CTNNA3: variants seen among roughly 807,000 people sequenced by gnomAD.
The protein encoded by CTNNA3 is catenin alpha 3.
In CTNNA3, 76 loss-of-function variants were observed where a neutral mutation model predicts 95.7. The observed-to-expected ratio is 0.79, with a 90% confidence interval of 0.66 to 0.96. The LOEUF is 0.96. Ranked by LOEUF, CTNNA3 falls within the 40% of genes least tolerant of loss-of-function variation. The probability of loss-of-function intolerance (pLI) is 0.00; values close to 1 mark genes in which losing one functional copy is unlikely to be tolerated. For synonymous variants in CTNNA3, 431 were observed against 374.4 expected, an observed-to-expected ratio of 1.15 and a Z score of -1.74; for missense variants, 1,191 against 1,089.8, an observed-to-expected ratio of 1.09 and a Z score of -1.31.
At chr10:67,548,027 T>G (rs561408818) in intron 3 of CTNNA3, among the ~76,000 whole-genome samples, 1 of 152,294 alleles carries the variant, frequency 6.6e-6, no homozygotes, top group South Asian at 2.1e-4. Context: ...AAATCTCATG[T>G]TGAAATGTAA....
intron 7 of CTNNA3, chr10:66,926,092 C>T (rs1437533917): frequency 4.4e-6 from 2 of 458,008 alleles, no homozygotes; most frequent in Non-Finnish European, 8.8e-6. Flanking sequence ...AGCGTGTGCG[C>T]GGTACGGGGC....
intron 10 of CTNNA3, among the ~76,000 whole-genome samples, chr10:66,569,676 A>G (rs1002914487): frequency 2.6e-5 from 4 of 152,144 alleles, no homozygotes; most frequent in Admixed American, 2.6e-4. Flanking sequence ...TCTGGATATT[A>G]AACATGATGG....
intron 3 of CTNNA3, among the ~76,000 whole-genome samples, chr10:67,562,893 C>T (rs1347212210): frequency 3.9e-5 from 6 of 152,042 alleles, no homozygotes; most frequent in Admixed American, 3.9e-4. Context: ...TTCACAACTG[C>T]TTCAAAGAGA....
At chr10:66,177,397 C>T (rs1395875717) in intron 13 of CTNNA3, among the ~76,000 whole-genome samples, 1 of 151,668 alleles carries the variant, frequency 6.6e-6, no homozygotes, top group South Asian at 2.1e-4. Context: ...TCTAAATGCA[C>T]CAGATTTTTA....
chr10:67,547,109 T>C (rs1024438850), intron 3 of CTNNA3, among the ~76,000 whole-genome samples: 7 of 152,118 alleles, frequency 4.6e-5, no homozygotes, highest in African/African-American at 1.7e-4. Flanking sequence ...AATAGGAAAA[T>C]GAACCACTTC....
chr10:67,513,117 G>T (rs964636135), intron 5 of CTNNA3, among the ~76,000 whole-genome samples: 2 of 152,112 alleles, frequency 1.3e-5, no homozygotes, highest in Non-Finnish European at 2.9e-5. Context: ...CATCTTTGTT[G>T]TTCCTGCAGT....
intron 7 of CTNNA3, among the ~76,000 whole-genome samples, chr10:66,810,744 G>T (rs530587154): frequency 1.5e-3 from 235 of 152,144 alleles, no homozygotes; most frequent in Non-Finnish European, 2.6e-3. Context: ...ATTCATGGTG[G>T]TCTTCAATGC....
At chr10:67,100,982 A>T (rs1858304086) in intron 7 of CTNNA3, among the ~76,000 whole-genome samples, 1 of 151,722 alleles carries the variant, frequency 6.6e-6, no homozygotes, top group Non-Finnish European at 1.5e-5. Flanking sequence ...TATATTTGAC[A>T]TGTTGTTTAG....
At chr10:66,861,109 G>A (rs1345156969) in intron 7 of CTNNA3, among the ~76,000 whole-genome samples, 1 of 152,146 alleles carries the variant, frequency 6.6e-6, no homozygotes. Context: ...AAATGTCCTA[G>A]ACACTGTGTT....
chr10:67,500,215 T>A (rs1311222796), intron 5 of CTNNA3, among the ~76,000 whole-genome samples: 1 of 152,144 alleles, frequency 6.6e-6, no homozygotes, highest in Non-Finnish European at 1.5e-5. Flanking sequence ...GGAGCAGGTT[T>A]TTCAGTTTCC....
chr10:66,646,904 C>T (rs1009691923), intron 9 of CTNNA3, among the ~76,000 whole-genome samples: 1 of 151,896 alleles, frequency 6.6e-6, no homozygotes, highest in Non-Finnish European at 1.5e-5. Context: ...TGTGGCCATG[C>T]TAGATTCCAA....
At chr10:66,901,451 T>G (rs1292002587) in intron 7 of CTNNA3, among the ~76,000 whole-genome samples, 1 of 152,170 alleles carries the variant, frequency 6.6e-6, no homozygotes, top group African/African-American at 2.4e-5. Flanking sequence ...ATAGATGCTA[T>G]GAAGAAACCA....
At chr10:67,020,340 C>G (rs1011988030) in intron 7 of CTNNA3, among the ~76,000 whole-genome samples, 1 of 152,222 alleles carries the variant, frequency 6.6e-6, no homozygotes, top group Admixed American at 6.5e-5. Context: ...AGCACAAGGG[C>G]TTCTTTATAT....
At chr10:66,195,487 A>C (rs1292086092) in intron 13 of CTNNA3, among the ~76,000 whole-genome samples, 2 of 133,646 alleles carry the variant, frequency 1.5e-5, no homozygotes, top group African/African-American at 6.0e-5. Flanking sequence ...ATGATCAAAT[A>C]GTTTTTGGAG....
Position 67,119,197 on chromosome 10 carries a change from T to G in CTNNA3, c.1047+61120A>C, listed in dbSNP as rs533318686. On this transcript the variant is annotated intron_variant, in intron 7 of 17. Transcript: ENST00000433211. ...GAGAGTGAGAATTTTTCTTTTTCTT[T>G]TTTTGGAAGATTTGGTAAAGCATCT... Among the ~76,000 whole-genome samples the G allele has an allele frequency of 3.3e-3, 496 of 152,060 alleles. 2 individuals carry two copies. The highest frequency in any genetic ancestry group is 6.8e-3 in the Middle Eastern group (2 of 294).
intron 13 of CTNNA3, among the ~76,000 whole-genome samples, chr10:66,147,003 C>T (rs1453203986): frequency 1.3e-5 from 2 of 152,108 alleles, no homozygotes; most frequent in Non-Finnish European, 2.9e-5. Flanking sequence ...TGCTTTTGTT[C>T]TGAGGATATA....
chr10:66,138,917 T>C (rs906911880), intron 13 of CTNNA3, among the ~76,000 whole-genome samples: 3 of 152,172 alleles, frequency 2.0e-5, no homozygotes, highest in Non-Finnish European at 4.4e-5. Flanking sequence ...CATCTGGACC[T>C]TTACACATCA....
intron 1 of CTNNA3, among the ~76,000 whole-genome samples, chr10:67,653,740 C>A (rs1326968992): frequency 6.6e-6 from 1 of 152,076 alleles, no homozygotes; most frequent in East Asian, 1.9e-4. Context: ...AATAAATGGC[C>A]ACTTTCTCTA....
At chr10:67,302,793 G>A (rs1468203738) in intron 5 of CTNNA3, among the ~76,000 whole-genome samples, 2 of 152,154 alleles carry the variant, frequency 1.3e-5, no homozygotes, top group African/African-American at 4.8e-5. Flanking sequence ...TGTTGACTAG[G>A]AACATTTTTG....
Sources: allele counts gnomAD v4.1 joint callset (sites outside exome capture counted in the v4.1 genomes callset), GRCh38; gene constraint gnomAD v4.1.1; transcripts MANE v1.5; gene names NCBI Gene and HGNC (gene_info 2026-07-23, HGNC 2026-07-21).